The following ROBO2 variants were observed in gnomAD, a reference collection of about 807,000 sequenced individuals.
ROBO2 encodes roundabout guidance receptor 2.
Under a neutral mutation model 160.8 loss-of-function variants are expected in ROBO2, and 53 were observed. That is an observed-to-expected ratio of 0.33 (90% CI 0.26 to 0.41). The LOEUF (loss-of-function observed/expected upper bound fraction) is 0.41, where lower values mean the gene tolerates loss of function less well. ROBO2 is among the 10% of genes least tolerant of loss of function. The probability of loss-of-function intolerance (pLI) is 1.00; values close to 1 mark genes in which losing one functional copy is unlikely to be tolerated. For missense variants in ROBO2, 1,577 were observed against 1,722.4 expected (o/e 0.92, Z 1.49); for synonymous variants, 664 against 611.7 (o/e 1.09, Z -1.26).
At chr3:77,613,919 A>G (rs899076028) in intron 21 of ROBO2, among the ~76,000 whole-genome samples, 3 of 152,216 alleles carry the variant, frequency 2.0e-5, no homozygotes, top group Non-Finnish European at 4.4e-5. Context: ...TTTAGCCTGC[A>G]TCTTGATGGA....
intron 4 of ROBO2, among the ~76,000 whole-genome samples, chr3:77,490,613 A>G (rs1296466245): frequency 6.6e-6 from 1 of 152,174 alleles, no homozygotes; most frequent in Non-Finnish European, 1.5e-5. Flanking sequence ...AATCTGCCGA[A>G]CAATGGCTTA....
chr3:76,857,851 G>C (rs2070300779), intron 2 of ROBO2, among the ~76,000 whole-genome samples: 1 of 152,046 alleles, frequency 6.6e-6, no homozygotes, highest in Non-Finnish European at 1.5e-5. Flanking sequence ...TTGACCCCAG[G>C]CTACCTCTTT....
At chr3:77,633,408 C>G (rs1368462712) in intron 23 of ROBO2, 1 of 152,058 alleles carries the variant, frequency 6.6e-6, no homozygotes, top group Non-Finnish European at 1.5e-5. Context: ...AATTTGTAAA[C>G]TTTTGCAACA....
At chr3:76,352,634 G>A (rs938059046) in intron 2 of ROBO2, among the ~76,000 whole-genome samples, 29 of 151,992 alleles carry the variant, frequency 1.9e-4, no homozygotes, top group African/African-American at 6.5e-4. Flanking sequence ...AAATGGTCCC[G>A]AAAACTTGGG....
intron 2 of ROBO2, among the ~76,000 whole-genome samples, chr3:76,058,780 C>G (rs1276062611): frequency 7.1e-6 from 1 of 140,458 alleles, no homozygotes; most frequent in Non-Finnish European, 1.5e-5. Flanking sequence ...GGTATATCTC[C>G]TAATGCTATC....
At chr3:76,839,754 T>C (rs1378103038) in intron 2 of ROBO2, among the ~76,000 whole-genome samples, 1 of 152,250 alleles carries the variant, frequency 6.6e-6, no homozygotes, top group Non-Finnish European at 1.5e-5. Context: ...TTAGCTCTTC[T>C]TTAAACATTT....
intron 23 of ROBO2, chr3:77,633,017 T>G (rs2153714406): frequency 6.1e-6 from 1 of 163,878 alleles, no homozygotes; most frequent in Admixed American, 6.1e-5. Context: ...GTGATTAAAA[T>G]TACTCAGCTT....
At chr3:77,595,068 A>G (rs374190409) in intron 17 of ROBO2, 74 bp from the exon 19 acceptor site, 67 of 1,192,482 alleles carry the variant, frequency 5.6e-5, no homozygotes, top group African/African-American at 4.7e-4. Flanking sequence ...AAGGGCCAAT[A>G]TGTAGTTGTT....
chr3:77,133,282 C>T (rs1343740964), intron 2 of ROBO2, among the ~76,000 whole-genome samples: 2 of 152,012 alleles, frequency 1.3e-5, no homozygotes, highest in East Asian at 1.9e-4. Flanking sequence ...AGCGATGAGG[C>T]CACTGGGGAG....
At chr3:75,922,570 A>C (rs2106844928) in intron 1 of ROBO2, among the ~76,000 whole-genome samples, 1 of 152,226 alleles carries the variant, frequency 6.6e-6, no homozygotes, top group East Asian at 1.9e-4. Context: ...GACAAAGTAC[A>C]TTGACAGGAA....
At chr3:76,479,678 A>G (rs1396077556) in intron 2 of ROBO2, among the ~76,000 whole-genome samples, 1 of 152,176 alleles carries the variant, frequency 6.6e-6, no homozygotes, top group Non-Finnish European at 1.5e-5. Context: ...AAAATAATTG[A>G]TCCTGACAGA....
At chr3:77,271,838 T>C (rs1381449875) in intron 2 of ROBO2, among the ~76,000 whole-genome samples, 1 of 152,196 alleles carries the variant, frequency 6.6e-6, no homozygotes, top group Non-Finnish European at 1.5e-5. Flanking sequence ...GGATCTTTCC[T>C]TATGGTTAAC....
At chr3:77,431,814 T>C (rs2078802716) in intron 2 of ROBO2, among the ~76,000 whole-genome samples, 1 of 152,136 alleles carries the variant, frequency 6.6e-6, no homozygotes. Flanking sequence ...TTTATTCTTT[T>C]CAAATCCCAG....
intron 2 of ROBO2, among the ~76,000 whole-genome samples, chr3:76,644,814 TTAATAA>T (rs746385541): frequency 4.6e-5 from 7 of 152,166 alleles, no homozygotes; most frequent in Admixed American, 1.3e-4. Flanking sequence ...GCTGAGGCAG[TTAATAA>T]TAATAAAAGC....
intron 2 of ROBO2, among the ~76,000 whole-genome samples, chr3:77,425,877 G>A (rs1281660820): frequency 6.6e-6 from 1 of 151,966 alleles, no homozygotes; most frequent in Admixed American, 6.6e-5. Flanking sequence ...TGGCAAGGCT[G>A]ATCTCGAACT....
intron 2 of ROBO2, among the ~76,000 whole-genome samples, chr3:75,954,920 T>C (rs1948671844): frequency 6.6e-6 from 1 of 151,916 alleles, no homozygotes. Context: ...CAAAAGGTAT[T>C]GATCCCAGAT....
chr3:76,246,467 T>C (rs1352055330), intron 2 of ROBO2, among the ~76,000 whole-genome samples: 1 of 152,188 alleles, frequency 6.6e-6, no homozygotes, highest in Non-Finnish European at 1.5e-5. Context: ...CAGCATTTTC[T>C]GGTTTACAAC....
chr3:76,799,343 A>G (rs1225579759), intron 2 of ROBO2, among the ~76,000 whole-genome samples: 1 of 152,188 alleles, frequency 6.6e-6, no homozygotes, highest in African/African-American at 2.4e-5. Context: ...TACTCTCACC[A>G]CTGTTATTCA....
chr3:76,295,771 C>G (rs181946113), intron 2 of ROBO2, among the ~76,000 whole-genome samples: 106 of 152,190 alleles, frequency 7.0e-4, no homozygotes, highest in Non-Finnish European at 1.2e-3. Context: ...CATGATGTGA[C>G]TTTACGTAAA....
Sources: gnomAD v4.1 joint callset for allele counts (sites outside exome capture counted in the v4.1 genomes callset) on GRCh38, gnomAD v4.1.1 for gene constraint, MANE v1.5 for transcripts, NCBI Gene and HGNC (gene_info 2026-07-23, HGNC 2026-07-21) for gene names.